The following ARHGAP26 variants were observed in gnomAD, a reference collection of about 807,000 sequenced individuals.
ARHGAP26 encodes the protein rho GTPase-activating protein 26.
A neutral mutation model predicts 104.8 loss-of-function variants in ARHGAP26; 38 were observed. The observed-to-expected ratio is 0.36, with a 90% CI of 0.28 to 0.48. The LOEUF is 0.48. Ranked by LOEUF, ARHGAP26 falls within the 20% of genes least tolerant of loss-of-function variation. The pLI, the probability that ARHGAP26 is intolerant of heterozygous loss-of-function variation, is 0.99. For synonymous variants in ARHGAP26, 341 were observed against 340.0 expected (o/e 1.00, Z -0.03); for missense variants, 704 against 947.9 (o/e 0.74, Z 3.38).
intron 17 of ARHGAP26, among the ~76,000 whole-genome samples, chr5:143,069,801 C>T (rs1787993098): frequency 6.6e-6 from 1 of 152,082 alleles, no homozygotes; most frequent in Non-Finnish European, 1.5e-5. Context: ...CCTCAATAGC[C>T]CTATTATGCA....
At chr5:142,855,984 G>A (rs983270378) in intron 1 of ARHGAP26, among the ~76,000 whole-genome samples, 5 of 152,276 alleles carry the variant, frequency 3.3e-5, no homozygotes, top group East Asian at 3.9e-4. Flanking sequence ...GTATAATCGC[G>A]GCTGTGAGAA....
intron 11 of ARHGAP26, among the ~76,000 whole-genome samples, chr5:142,984,735 G>A (rs561141389): frequency 1.4e-4 from 22 of 152,130 alleles, no homozygotes; most frequent in Admixed American, 1.4e-3. Flanking sequence ...TGTTGTAGCC[G>A]TCATATTACT....
intron 1 of ARHGAP26, among the ~76,000 whole-genome samples, chr5:142,774,782 T>A (rs1755966953): frequency 6.6e-6 from 1 of 152,234 alleles, no homozygotes; most frequent in African/African-American, 2.4e-5. Context: ...ATCTTTTTAC[T>A]GTCTCTCTAG....
At chr5:142,876,688 G>A (rs919179535) in intron 3 of ARHGAP26, among the ~76,000 whole-genome samples, 1 of 148,562 alleles carries the variant, frequency 6.7e-6, no homozygotes, top group South Asian at 2.1e-4. Context: ...GAGGGAGGAG[G>A]ATCGCTTGTG....
At chr5:143,057,500 G>A (rs1785997431) in intron 16 of ARHGAP26, 142 bp from the exon 17 acceptor site, 4 of 684,674 alleles carry the variant, frequency 5.8e-6, no homozygotes, top group Non-Finnish European at 1.0e-5. Context: ...TGGCCACGCA[G>A]TATGCACACA....
At chr5:142,879,486 A>C (rs758979435) in intron 4 of ARHGAP26, 41 bp downstream of exon 4, 1 of 1,541,782 alleles carries the variant, frequency 6.5e-7, no homozygotes. Flanking sequence ...TTAGGGTGAG[A>C]GGTCTGGAAA....
At chr5:143,192,664 G>C (rs567342853) in intron 20 of ARHGAP26, 37 of 152,312 alleles carry the variant, frequency 2.4e-4, no homozygotes, top group Admixed American at 5.2e-4. Flanking sequence ...GGGAGTTGGG[G>C]CTCTATTGTG....
chr5:143,075,217 A>T (rs1221980638), intron 17 of ARHGAP26, among the ~76,000 whole-genome samples: 1 of 152,120 alleles, frequency 6.6e-6, no homozygotes, highest in African/African-American at 2.4e-5. Flanking sequence ...TTGCACATTA[A>T]AAATATTCCT....
At chr5:142,941,886 A>G (rs940464658) in intron 11 of ARHGAP26, among the ~76,000 whole-genome samples, 1 of 152,216 alleles carries the variant, frequency 6.6e-6, no homozygotes. Context: ...TGTTGGTGGC[A>G]CTTACTCAGG....
intron 17 of ARHGAP26, among the ~76,000 whole-genome samples, chr5:143,059,065 T>C (rs541301516): frequency 4.6e-4 from 70 of 152,312 alleles, no homozygotes; most frequent in Non-Finnish European, 7.5e-4. Flanking sequence ...GAGATGACAG[T>C]TGAGTACCAG....
intron 5 of ARHGAP26, 140 bp downstream of exon 5, chr5:142,885,539 C>G: frequency 1.5e-6 from 1 of 649,080 alleles, no homozygotes. Flanking sequence ...GATCCCTCAT[C>G]CAGTGCCTGA....
At chr5:142,988,141 G>A (rs1271212036) in intron 11 of ARHGAP26, among the ~76,000 whole-genome samples, 2 of 152,132 alleles carry the variant, frequency 1.3e-5, no homozygotes, top group African/African-American at 4.8e-5. Flanking sequence ...TTTTTGGTTG[G>A]TAGGCTATTA....
At position 142,890,327 on chromosome 5, in the gene ARHGAP26, A is replaced by G. The variant is rs113954817; in HGVS notation, c.487-3911A>G. ...GAAGAGGTTTTTGGGCAGAATGAAC[A>G]CCAGGTGAAAAGGTTGTGGGAAAGA... On this transcript the variant is annotated intron_variant, in intron 5 of 22. Coordinates refer to ENST00000645722, the MANE Select transcript of ARHGAP26 (RefSeq NM_001135608.3). Among the ~76,000 whole-genome samples the G allele has an allele frequency of 2.0e-3, 309 of 151,156 alleles. 3 individuals are homozygous for G. Among genetic ancestry groups the G allele is most frequent in the African/African-American group, 7.1e-3 (294 of 41,212 alleles).
chr5:143,211,740 T>G (rs1809499714), intron 21 of ARHGAP26, among the ~76,000 whole-genome samples: 1 of 151,796 alleles, frequency 6.6e-6, no homozygotes, highest in Admixed American at 6.6e-5. Context: ...CTAATTTTTT[T>G]TATTTTTTTG....
At chr5:143,071,844 G>T (rs1335245910) in intron 17 of ARHGAP26, among the ~76,000 whole-genome samples, 1 of 152,196 alleles carries the variant, frequency 6.6e-6, no homozygotes, top group Non-Finnish European at 1.5e-5. Context: ...GGGGGAGGTT[G>T]CAGTGAGCTG....
intron 11 of ARHGAP26, among the ~76,000 whole-genome samples, chr5:143,013,498 T>A (rs2152817887): frequency 6.6e-6 from 1 of 152,370 alleles, no homozygotes; most frequent in Non-Finnish European, 1.5e-5. Flanking sequence ...ATTCTCCTTA[T>A]AACATTCAAA....
chr5:142,933,375 G>A (rs1764990664), intron 11 of ARHGAP26, among the ~76,000 whole-genome samples: 1 of 152,174 alleles, frequency 6.6e-6, no homozygotes, highest in Admixed American at 6.5e-5. Context: ...TTATAGATAA[G>A]TAAACTGAAG....
intron 6 of ARHGAP26, among the ~76,000 whole-genome samples, chr5:142,898,895 TG>T (rs1243314675): frequency 6.6e-6 from 1 of 152,184 alleles, no homozygotes; most frequent in African/African-American, 2.4e-5. Context: ...ACAAATTGGG[TG>T]TCTTAGAACA....
At chr5:142,961,636 A>G (rs867986213) in intron 11 of ARHGAP26, among the ~76,000 whole-genome samples, 1 of 152,234 alleles carries the variant, frequency 6.6e-6, no homozygotes, top group Non-Finnish European at 1.5e-5. Context: ...GAATTTGGCA[A>G]CTGGGATAAG....
Sources: allele counts gnomAD v4.1 joint callset (sites outside exome capture counted in the v4.1 genomes callset), GRCh38; gene constraint gnomAD v4.1.1; transcripts MANE v1.5; gene names NCBI Gene and HGNC (gene_info 2026-07-23, HGNC 2026-07-21).